Variants in TINAG observed in about 807,000 individuals in gnomAD.
The protein encoded by TINAG is tubulointerstitial nephritis antigen.
Under a neutral mutation model 72.7 loss-of-function variants are expected in TINAG, and 83 were observed. That is an observed-to-expected ratio of 1.14 (90% CI 0.96 to 1.37). The LOEUF (loss-of-function observed/expected upper bound fraction) is 1.37, where lower values mean the gene tolerates loss of function less well. Among genes scored for constraint, TINAG ranks in the 40% most tolerant of loss-of-function variants. The pLI is 0.00. For missense variants in TINAG, 685 were observed against 576.6 expected, an observed-to-expected ratio of 1.19 and a Z score of -1.93; for synonymous variants, 234 against 189.9, an observed-to-expected ratio of 1.23 and a Z score of -1.91.
Position 54,310,529 on chromosome 6 carries a change from C to T in TINAG, c.355+1624C>T, listed in dbSNP as rs1353003092. ...TTCTCTTTCTTTCTTTTCTTTCTTT[C>T]TCTCTCTGTCTCTCTCCCCTTCCTT... On this transcript the variant is annotated intron_variant, in intron 1 of 10. Transcript: ENST00000259782. Among the ~76,000 whole-genome samples, 7 of 143,234 alleles carry T rather than the reference C, an allele frequency of 4.9e-5. No individual in the cohort carries two copies. The South Asian group carries it at 1.6e-3, about 33-fold the overall frequency. 94.0% of individuals were successfully genotyped at this position (143,234 alleles called of 152,430 possible). A position where few individuals can be genotyped will look rare whatever the true frequency, so the allele number is the denominator to read the frequency against.
chr6:54,318,937 G>A (rs1330376250), intron 1 of TINAG, among the ~76,000 whole-genome samples: 1 of 152,126 alleles, frequency 6.6e-6, no homozygotes, highest in Non-Finnish European at 1.5e-5. Context: ...TGAAATTAAG[G>A]AAGGATGACC....
At chr6:54,312,917 T>C (rs959456202) in intron 1 of TINAG, among the ~76,000 whole-genome samples, 20 of 152,152 alleles carry the variant, frequency 1.3e-4, no homozygotes, top group African/African-American at 4.8e-4. Flanking sequence ...CCCACTTCTC[T>C]CATCTCTGCC....
At position 54,321,324 on chromosome 6, in the gene TINAG, T is replaced by C; in HGVS notation, c.447T>C (p.Cys149=). ...SCTCSGQQWK[C]SQHVCLVRSE... is the part of the protein sequence containing the mutation. ...CATGCTCAGGACAGCAATGGAAATG[T>C]TCCCAGCATGTATGCCTTGTTCGTT... is the stretch of plus-strand genomic sequence containing the variant. Residue 149 remains cysteine (C), a synonymous_variant, in exon 3 of 11, where the codon TGT becomes TGC. Coordinates refer to ENST00000259782, the MANE Select transcript of TINAG (RefSeq NM_014464.4). 6.2e-7 allele frequency: 1 copy of C among 1,613,890 alleles called. No individual in the cohort carries two copies. The highest frequency in any genetic ancestry group is 8.5e-7 in the Non-Finnish European group (1 of 1,179,866).
Position 54,321,433 on chromosome 6 carries a change from A to G in TINAG, c.509+47A>G, listed in dbSNP as rs1365735547. On this transcript the variant is annotated intron_variant, in intron 3 of 10. Transcript: ENST00000259782. Reference sequence around the variant, plus strand: ...ATGTTTCTTGACACTGCCATTTACTATGCAGGTTTCAATGTATTGCTTGGT... The same window carrying G: ...ATGTTTCTTGACACTGCCATTTACTGTGCAGGTTTCAATGTATTGCTTGGT... 7 of 1,329,522 alleles carry G rather than the reference A, an allele frequency of 5.3e-6. No homozygotes were observed. In the Middle Eastern group the frequency reaches 5.5e-4, roughly 104 times the overall value. The allele number at this position is 1,329,522 out of a possible 1,614,324, so 82.4% of individuals were successfully genotyped here. A position where few individuals can be genotyped will look rare whatever the true frequency, so the allele number is the denominator to read the frequency against.
intron 10 of TINAG, among the ~76,000 whole-genome samples, chr6:54,381,641 A>T (rs1329898113): frequency 1.3e-5 from 2 of 152,044 alleles, no homozygotes; most frequent in Non-Finnish European, 2.9e-5. Context: ...TAAAAATATA[A>T]TTTTTCTCAT....
At chr6:54,357,901 A>G (rs1763103162) in intron 9 of TINAG, among the ~76,000 whole-genome samples, 1 of 151,856 alleles carries the variant, frequency 6.6e-6, no homozygotes, top group South Asian at 2.1e-4. Flanking sequence ...TCCCAATTCC[A>G]TCAGATTAAA....
In TINAG at chr6:54,343,330, C is replaced by T; in HGVS notation, c.729C>T (p.Ser243=). The change falls in exon 5 of 11, where the codon TCC becomes TCT. Residue 243 remains serine (S), a synonymous_variant. Coordinates refer to ENST00000259782, the MANE Select transcript of TINAG (RefSeq NM_014464.4). ...TGGATCAAAAAAATTGTGCTGCATCCTGGGCATTTTCCACTGCAAGTAATA... is the reference window on the plus strand; with the variant it reads ...TGGATCAAAAAAATTGTGCTGCATCTTGGGCATTTTCCACTGCAAGTAATA... ...GPLDQKNCAA[S]WAFSTASVAA... is the part of the protein sequence containing the mutation. 6.4e-7 allele frequency: 1 copy of T among 1,553,864 alleles called. No individual in the cohort carries two copies. Among genetic ancestry groups the T allele is most frequent in the Non-Finnish European group, 8.7e-7 (1 of 1,147,616 alleles).
At chr6:54,389,451 C>T (rs1335623499) in intron 10 of TINAG, among the ~76,000 whole-genome samples, 1 of 152,134 alleles carries the variant, frequency 6.6e-6, no homozygotes, top group Non-Finnish European at 1.5e-5. Flanking sequence ...CTTTCGTCTT[C>T]CAGCACCTAG....
chr6:54,334,988 A>C (rs1005481275), intron 4 of TINAG, among the ~76,000 whole-genome samples: 1 of 152,002 alleles, frequency 6.6e-6, no homozygotes. Flanking sequence ...GTTCTTACCC[A>C]GTGAGAAAAA....
intron 3 of TINAG, 38 bp from the exon 4 acceptor site, chr6:54,326,764 A>T (rs779781277): frequency 7.6e-6 from 11 of 1,440,696 alleles, no homozygotes; most frequent in African/African-American, 1.4e-5. Context: ...TATAACCTGT[A>T]TATATTTTTC....
chr6:54,325,885 C>T (rs1784591793), intron 3 of TINAG, among the ~76,000 whole-genome samples: 1 of 152,058 alleles, frequency 6.6e-6, no homozygotes, highest in Admixed American at 6.5e-5. Context: ...AAAGCATTAA[C>T]TTGTGAGGTA....
chr6:54,388,110 T>A (rs528357409), intron 10 of TINAG, among the ~76,000 whole-genome samples: 1 of 152,310 alleles, frequency 6.6e-6, no homozygotes, highest in East Asian at 1.9e-4. Context: ...CTCAGTGTTA[T>A]ATATCATATT....
At chr6:54,318,381 T>C (rs971618993) in intron 1 of TINAG, among the ~76,000 whole-genome samples, 1 of 152,164 alleles carries the variant, frequency 6.6e-6, no homozygotes, top group Non-Finnish European at 1.5e-5. Context: ...ATTTCTTTAT[T>C]ACTCAAGCCA....
At chr6:54,315,276 A>T (rs1287726750) in intron 1 of TINAG, among the ~76,000 whole-genome samples, 2 of 152,146 alleles carry the variant, frequency 1.3e-5, no homozygotes, top group Non-Finnish European at 2.9e-5. Flanking sequence ...TAAAAAAGTA[A>T]ATATATCCAT....
At chr6:54,342,413 C>A (rs1175030877) in intron 4 of TINAG, among the ~76,000 whole-genome samples, 2 of 150,420 alleles carry the variant, frequency 1.3e-5, no homozygotes, top group East Asian at 3.9e-4. Flanking sequence ...GGCTGGAGAG[C>A]AGTAGCGCGA....
intron 4 of TINAG, among the ~76,000 whole-genome samples, chr6:54,336,160 T>C (rs1001073343): frequency 6.6e-6 from 1 of 152,132 alleles, no homozygotes; most frequent in African/African-American, 2.4e-5. Context: ...ATGGTGGTAG[T>C]ATCTAGCTCA....
chr6:54,334,862 A>T (rs192356596), intron 4 of TINAG, among the ~76,000 whole-genome samples: 3 of 152,322 alleles, frequency 2.0e-5, no homozygotes, highest in Non-Finnish European at 4.4e-5. Context: ...TTCAGCTTTG[A>T]TATACTTTAG....
At chr6:54,314,204 C>T (rs554618437) in intron 1 of TINAG, among the ~76,000 whole-genome samples, 49 of 152,214 alleles carry the variant, frequency 3.2e-4, no homozygotes, top group African/African-American at 8.9e-4. Context: ...AACTAAAATA[C>T]GTATTTTTAA....
chr6:54,363,217 T>C (rs1763293863), intron 9 of TINAG, among the ~76,000 whole-genome samples: 1 of 151,612 alleles, frequency 6.6e-6, no homozygotes, highest in Non-Finnish European at 1.5e-5. Context: ...TTGTCGAGGA[T>C]GTTAAGTATG....
Sources: gnomAD v4.1 joint callset for allele counts (sites outside exome capture counted in the v4.1 genomes callset) on GRCh38, gnomAD v4.1.1 for gene constraint, MANE v1.5 for transcripts, NCBI Gene and HGNC (gene_info 2026-07-23, HGNC 2026-07-21) for gene names.